The following SLC35F3 variants were observed in gnomAD, a reference collection of about 807,000 sequenced individuals.
SLC35F3 encodes solute carrier family 35 member F3, also known as putative thiamine transporter SLC35F3.
Under a neutral mutation model 49.9 loss-of-function variants are expected in SLC35F3, and 25 were observed. The ratio of observed to expected loss-of-function variants is 0.50; its 90% confidence interval spans 0.37 to 0.70. SLC35F3 has a LOEUF of 0.70. SLC35F3 is among the 30% of genes least tolerant of loss of function. The pLI is 0.00. For missense variants in SLC35F3, 525 were observed against 639.8 expected (o/e 0.82, Z 1.94); for synonymous variants, 275 against 265.4 (o/e 1.04, Z -0.35).
intron 2 of SLC35F3, among the ~76,000 whole-genome samples, chr1:234,112,722 ATTTTTTTT>A (rs1157248348): frequency 8.9e-5 from 3 of 33,546 alleles, no homozygotes; most frequent in African/African-American, 2.5e-4. Context: ...TGCCCAGCTA[ATTTTTTTT>A]TTTTTTTTTT....
chr1:234,303,573 C>G (rs894519721), intron 3 of SLC35F3, among the ~76,000 whole-genome samples: 3 of 152,216 alleles, frequency 2.0e-5, no homozygotes, highest in African/African-American at 7.2e-5. Context: ...GCTGAAAATG[C>G]CTTCAATCTA....
At position 234,316,694 on chromosome 1, in the gene SLC35F3, G is replaced by A; in HGVS notation, c.921G>A (p.Val307=). 6.2e-7 allele frequency: 1 copy of A among 1,612,530 alleles called. No individual in the cohort carries two copies. The highest frequency in any genetic ancestry group is 8.5e-7 in the Non-Finnish European group (1 of 1,178,634). ...ACTCCGTCATCGGCATCGCACTGGTGGTGGCCTCAGCATCGATGTCTGCCC... is the reference window on the plus strand; with the variant it reads ...ACTCCGTCATCGGCATCGCACTGGTAGTGGCCTCAGCATCGATGTCTGCCC... ...HSHSVIGIAL[V]VASASMSALY... Residue 307 remains valine (V), a synonymous_variant, in exon 5 of 8, where the codon GTG becomes GTA. Transcript: ENST00000366618.
chr1:233,972,942 G>C (rs1663019194), intron 2 of SLC35F3, among the ~76,000 whole-genome samples: 1 of 152,236 alleles, frequency 6.6e-6, no homozygotes, highest in Non-Finnish European at 1.5e-5. Context: ...TGAGCCCACT[G>C]TGCCTTGCCC....
At chr1:233,956,049 G>C (rs923943815) in intron 2 of SLC35F3, among the ~76,000 whole-genome samples, 2 of 151,780 alleles carry the variant, frequency 1.3e-5, no homozygotes, top group African/African-American at 4.8e-5. Flanking sequence ...CACCACGCCT[G>C]GCTAATTTTT....
intron 3 of SLC35F3, among the ~76,000 whole-genome samples, chr1:234,252,377 A>G (rs1359469033): frequency 6.6e-6 from 1 of 152,096 alleles, no homozygotes. Flanking sequence ...GCCCTAAACT[A>G]TATTTTTTAA....
At chr1:233,906,264 C>T (rs1256478734) in intron 2 of SLC35F3, among the ~76,000 whole-genome samples, 1 of 152,104 alleles carries the variant, frequency 6.6e-6, no homozygotes, top group Admixed American at 6.6e-5. Context: ...CGCCCTTCTC[C>T]CCTGGATTTT....
chr1:234,178,994 G>A (rs879751850), intron 2 of SLC35F3, among the ~76,000 whole-genome samples: 5 of 151,904 alleles, frequency 3.3e-5, no homozygotes, highest in East Asian at 1.9e-4. Flanking sequence ...CTGGACTCTC[G>A]TCTCCTTTTA....
chr1:234,167,617 T>C (rs1666339011), intron 2 of SLC35F3, among the ~76,000 whole-genome samples: 1 of 152,188 alleles, frequency 6.6e-6, no homozygotes. Context: ...AGTGCTTTCA[T>C]ATCTACTGTA....
rs1665310682 is a variant in SLC35F3 at position 234,108,062 on chromosome 1, G to C, written c.284-123355G>C. The stretch of plus-strand genomic sequence containing the variant: ...AGCCCCCTAAGGAAAAAAAAGCACT[G>C]CTTAAGTGCTAGCATTTACTGAAAC... On this transcript the variant is annotated intron_variant, in intron 2 of 7. Transcript: ENST00000366618. Among the ~76,000 whole-genome samples, 3 of 150,978 alleles carry C rather than the reference G, an allele frequency of 2.0e-5. No homozygotes were observed. The Admixed American group carries it at 2.0e-4, about 10-fold the overall frequency.
intron 2 of SLC35F3, among the ~76,000 whole-genome samples, chr1:234,115,909 G>C (rs1480819450): frequency 3.9e-5 from 6 of 152,140 alleles, no homozygotes; most frequent in African/African-American, 1.2e-4. Context: ...AACAATCTGT[G>C]ATCCGAGCTT....
At position 234,320,251 on chromosome 1, in the gene SLC35F3, CACAT is replaced by C; in HGVS notation, c.1237+68_1237+71del. ...ACACACTCAGTCACCTACTCACACACACATACACACACTCATGCATACATACACA... is the reference window on the plus strand; with the variant it reads ...ACACACTCAGTCACCTACTCACACACACACACACTCATGCATACATACACA... On this transcript the variant is annotated intron_variant, in intron 7 of 7. Coordinates refer to ENST00000366618, the MANE Select transcript of SLC35F3 (RefSeq NM_173508.4). The surrounding 1 kb of genome is among the most constrained non-coding windows in gnomAD (Gnocchi z 4.8). 2 of 1,110,294 alleles carry C rather than the reference CACAT, an allele frequency of 1.8e-6. No homozygotes were observed. The highest frequency in any genetic ancestry group is 2.8e-6 in the Non-Finnish European group (2 of 724,888). The allele number at this position is 1,110,294 out of a possible 1,614,324, so 68.8% of individuals were successfully genotyped here. A position where few individuals can be genotyped will look rare whatever the true frequency, so the allele number is the denominator to read the frequency against.
intron 2 of SLC35F3, among the ~76,000 whole-genome samples, chr1:234,208,483 T>C (rs1367552770): frequency 6.6e-6 from 1 of 152,174 alleles, no homozygotes; most frequent in Non-Finnish European, 1.5e-5. Context: ...TTCCTGATGA[T>C]CAGCCCAGGC....
At chr1:234,245,871 A>C (rs913010246) in intron 3 of SLC35F3, among the ~76,000 whole-genome samples, 2 of 152,218 alleles carry the variant, frequency 1.3e-5, no homozygotes, top group African/African-American at 4.8e-5. Context: ...CAGTGGACAC[A>C]CAGCAGAAAC....
At chr1:233,942,349 G>A (rs892008982) in intron 2 of SLC35F3, among the ~76,000 whole-genome samples, 1 of 151,870 alleles carries the variant, frequency 6.6e-6, no homozygotes, top group African/African-American at 2.4e-5. Flanking sequence ...TGCCTCTTGG[G>A]GTTTTTGATG....
chr1:233,927,793 C>A (rs553450531), intron 2 of SLC35F3, among the ~76,000 whole-genome samples: 57 of 151,926 alleles, frequency 3.8e-4, no homozygotes, highest in Non-Finnish European at 6.8e-4. Context: ...TATAAAATTG[C>A]TTGTTGCTAA....
At chr1:234,045,365 T>A (rs1410973213) in intron 2 of SLC35F3, among the ~76,000 whole-genome samples, 1 of 152,190 alleles carries the variant, frequency 6.6e-6, no homozygotes, top group Non-Finnish European at 1.5e-5. Flanking sequence ...ATAGCTAATG[T>A]TTATGGAGAG....
chr1:234,081,049 A>T (rs1664867930), intron 2 of SLC35F3, among the ~76,000 whole-genome samples: 1 of 152,162 alleles, frequency 6.6e-6, no homozygotes, highest in Non-Finnish European at 1.5e-5. Flanking sequence ...CCTCTTAAAA[A>T]TTTCCTTTGC....
intron 3 of SLC35F3, among the ~76,000 whole-genome samples, chr1:234,255,993 A>G (rs685775): frequency 0.61 from 92,760 of 152,006 alleles, 30,326 homozygotes; most frequent in African/African-American, 0.84. Flanking sequence ...TTCATCAATC[A>G]TAACAAATGT....
intron 2 of SLC35F3, among the ~76,000 whole-genome samples, chr1:233,951,721 T>G (rs1444435678): frequency 6.6e-6 from 1 of 151,656 alleles, no homozygotes. Context: ...TTCTTCTTTT[T>G]GTGTGTGTGT....
Sources: gnomAD v4.1 joint callset for allele counts (sites outside exome capture counted in the v4.1 genomes callset) on GRCh38, gnomAD v4.1.1 for gene constraint, Gnocchi (gnomAD v3.1) non-coding constraint, MANE v1.5 for transcripts, NCBI Gene and HGNC (gene_info 2026-07-23, HGNC 2026-07-21) for gene names.